Variants in CACNA1H observed in about 807,000 individuals in gnomAD.
The protein encoded by CACNA1H is voltage-dependent T-type calcium channel subunit alpha-1H.
A neutral mutation model predicts 192.5 loss-of-function variants in CACNA1H; 149 were observed. The ratio of observed to expected loss-of-function variants is 0.77; its 90% CI spans 0.68 to 0.89. The LOEUF (loss-of-function observed/expected upper bound fraction) is 0.89, where lower values mean the gene tolerates loss of function less well. Ranked by LOEUF, CACNA1H falls within the 40% of genes least tolerant of loss-of-function variation. CACNA1H has a pLI of 0.00. For synonymous variants in CACNA1H, 2,202 were observed against 1,475.2 expected (o/e 1.49, Z -11.29); for missense variants, 4,257 against 3,423.5 (o/e 1.24, Z -6.08).
rs202114960 is a variant in CACNA1H at position 1,208,193 on chromosome 16, A to T, written c.3335A>T (p.Asp1112Val). 5 of 1,541,778 alleles carry T rather than the reference A, an allele frequency of 3.2e-6. No individual in the cohort carries two copies. Among genetic ancestry groups the T allele is most frequent in the Non-Finnish European group, 4.4e-6 (5 of 1,147,212 alleles). The change falls in exon 16 of 35, where the codon GAC (aspartate) becomes GTC (valine). Residue 1112 changes from aspartate to valine, a missense_variant. Transcript: ENST00000348261. ...DSRRGSSSSG[D>V]PPLGDQKPPA... ...CGGCGTGGCAGCAGCAGCTCCGGGG[A>T]CCCGCCACTGGGAGACCAGAAGCCT... is the stretch of plus-strand genomic sequence containing the variant.
chr16:1,210,343 A>ACCTCTCCCCCCCCCCCCCCCCCC, intron 18 of CACNA1H, 27 bp from the exon 19 acceptor site: 1 of 233,804 alleles, frequency 4.3e-6, no homozygotes, highest in Non-Finnish European at 6.8e-6. Context: ...GCCCCGCCCC[A>ACCTCTCCCCCCCCCCCCCCCCCC]CCTCTCACCC....
Position 1,220,310 on chromosome 16 carries a change from C to T in CACNA1H, c.6378C>T (p.Ala2126=), listed in dbSNP as rs780808265. 2.2e-5 allele frequency: 35 copies of T among 1,560,240 alleles called. 1 individual carries two copies. The highest frequency in any genetic ancestry group is 4.2e-5 in the African/African-American group (3 of 71,258). ...ATGGCCCCGAAGCCTCTCCGGTGGC[C>T]GGCGGCGAGCGGGACCTGCGCAGGC... is the stretch of plus-strand genomic sequence containing the variant. The part of the protein sequence containing the change: ...EPHGPEASPV[A]GGERDLRRLY... The change falls in exon 35 of 35, where the codon GCC becomes GCT. Residue 2126 remains alanine, a synonymous_variant. Transcript: ENST00000348261.
chr16:1,214,825 G>T, intron 27 of CACNA1H, 147 bp from the exon 28 acceptor site: 2 of 629,444 alleles, frequency 3.2e-6, no homozygotes, highest in Non-Finnish European at 2.8e-6. Flanking sequence ...GGCCGAAGAG[G>T]CTCCCGGTGC....
At chr16:1,206,457 C>G (rs569996817) in intron 12 of CACNA1H, 168 bp downstream of exon 12, 1 of 646,438 alleles carries the variant, frequency 1.5e-6, no homozygotes, top group African/African-American at 1.8e-5. Flanking sequence ...CTGATTGGGC[C>G]CCTACTGTGT....
intron 2 of CACNA1H, among the ~76,000 whole-genome samples, chr16:1,171,851 C>T (rs185276800): frequency 2.6e-3 from 393 of 152,370 alleles, no homozygotes; most frequent in African/African-American, 8.4e-3. Context: ...GGCGTCTGTT[C>T]TGGGCTCTTC....
chr16:1,196,412 T>C (rs1596385665), intron 5 of CACNA1H, among the ~76,000 whole-genome samples: 1 of 152,114 alleles, frequency 6.6e-6, no homozygotes, highest in Non-Finnish European at 1.5e-5. Flanking sequence ...CTCTTGTGGG[T>C]GTGGCTCAGC....
At chr16:1,210,260 G>A (rs1177683236) in intron 18 of CACNA1H, 110 bp from the exon 19 acceptor site, 10 of 1,245,246 alleles carry the variant, frequency 8.0e-6, no homozygotes, top group East Asian at 2.5e-5. Context: ...TTCTCACACC[G>A]CAGGGACCGG....
Position 1,154,007 on chromosome 16 carries a change from C to T in CACNA1H, c.270C>T (p.Arg90=), listed in dbSNP as rs577235589. 7.1e-6 allele frequency: 10 copies of T among 1,404,966 alleles called. No individual in the cohort carries two copies. Among genetic ancestry groups the T allele is most frequent in the Admixed American group, 2.7e-5 (1 of 37,394 alleles). The allele number at this position is 1,404,966 out of a possible 1,614,324, so 87.0% of individuals were successfully genotyped here. A position where few individuals can be genotyped will look rare whatever the true frequency, so the allele number is the denominator to read the frequency against. ...GCCTCGGTCAGACCACGCGGCCGCG[C>T]AGCTGGTGCCTCCGGCTGGTCTGCA... ...FFCLGQTTRP[R]SWCLRLVCNP... The change falls in exon 2 of 35, where the codon CGC becomes CGT. Residue 90 remains arginine, a synonymous_variant. Coordinates refer to ENST00000348261, the MANE Select transcript of CACNA1H (RefSeq NM_021098.3).
Position 1,206,325 on chromosome 16 carries a change from T to C in CACNA1H, c.2789+36T>C, listed in dbSNP as rs183817349. Reference sequence around the variant, plus strand: ...CCCCCCTCCCGGCCCGCCCAGTGTCTCACCCCAGGGCAGCTGGGAGGCAAA... The same window carrying C: ...CCCCCCTCCCGGCCCGCCCAGTGTCCCACCCCAGGGCAGCTGGGAGGCAAA... On this transcript the variant is annotated intron_variant, in intron 12 of 34. Coordinates refer to ENST00000348261, the MANE Select transcript of CACNA1H (RefSeq NM_021098.3). The C allele has an allele frequency of 1.0e-5, 16 of 1,538,826 alleles. No individual in the cohort carries two copies. In the African/African-American group the frequency reaches 2.2e-4, roughly 21 times the overall value.
intron 2 of CACNA1H, among the ~76,000 whole-genome samples, chr16:1,183,043 C>T (rs1965628687): frequency 6.8e-6 from 1 of 146,718 alleles, no homozygotes; most frequent in East Asian, 2.0e-4. Flanking sequence ...GGGCCCCACC[C>T]ACCACCCCCG....
intron 12 of CACNA1H, 25 bp downstream of exon 12, chr16:1,206,314 C>T (rs375936129): frequency 7.8e-6 from 12 of 1,544,308 alleles, no homozygotes; most frequent in South Asian, 2.4e-5. Flanking sequence ...CCTCCCGGCC[C>T]GCCCAGTGTC....
rs767451045 is a variant in CACNA1H at position 1,210,148 on chromosome 16, G to C, written c.3845+13G>C. 1.9e-6 allele frequency: 3 copies of C among 1,547,982 alleles called. No homozygotes were observed. The highest frequency in any genetic ancestry group is 2.6e-6 in the Non-Finnish European group (3 of 1,144,790). ...CCCCACAGAACCGGTGAGGCGGCCGGGTCAGGAGGCTGCATGGCTAGTTCC... is the reference window on the plus strand; with the variant it reads ...CCCCACAGAACCGGTGAGGCGGCCGCGTCAGGAGGCTGCATGGCTAGTTCC... On this transcript the variant is annotated intron_variant, in intron 18 of 34. Transcript: ENST00000348261.
Position 1,187,083 on chromosome 16 carries a change from C to T in CACNA1H, c.300-7889C>T, listed in dbSNP as rs867719218. Among the ~76,000 whole-genome samples the T allele has an allele frequency of 5.2e-5, 8 of 152,390 alleles. No homozygotes were observed. The South Asian group carries it at 1.7e-3, about 32-fold the overall frequency. On this transcript the variant is annotated intron_variant, in intron 2 of 34. Coordinates refer to ENST00000348261, the MANE Select transcript of CACNA1H (RefSeq NM_021098.3). ...AGTCCCTCAGAGCCCGCGACCGTCCCCTCCGCACTGCGGGCTGATAGCGCC... is the reference window on the plus strand; with the variant it reads ...AGTCCCTCAGAGCCCGCGACCGTCCTCTCCGCACTGCGGGCTGATAGCGCC...
rs374626152 is a variant in CACNA1H at position 1,207,894 on chromosome 16, C to T, written c.3154+34C>T. 366 of 1,555,812 alleles carry T rather than the reference C, an allele frequency of 2.4e-4. No homozygotes were observed. In the South Asian group the frequency reaches 3.3e-3, roughly 14 times the overall value. On this transcript the variant is annotated intron_variant, in intron 15 of 34. Transcript: ENST00000348261. Reference sequence around the variant, plus strand: ...GGTCGGTGGGTGGTCCGGGTTCTGGCGGGTGGAGTACGCTGGGCTGGCCGG... The same window carrying T: ...GGTCGGTGGGTGGTCCGGGTTCTGGTGGGTGGAGTACGCTGGGCTGGCCGG...
Position 1,210,937 on chromosome 16 carries a change from G to A in CACNA1H, c.4189G>A (p.Val1397Met), listed in dbSNP as rs1186328765. Residue 1397 changes from valine to methionine, a missense_variant, in exon 21 of 35, where the codon GTG becomes ATG. Val to Met is a conservative substitution (Grantham distance 21). Transcript: ENST00000348261. Reference protein sequence around the residue: ...GGAKILGVLRVLRLLRTLRPL... With the variant: ...GGAKILGVLRMLRLLRTLRPL... The stretch of plus-strand genomic sequence containing the variant: ...CGCCAAGATCCTGGGTGTTCTGCGC[G>A]TGCTGCGTCTGCTGCGGACCCTGCG... 7 of 1,601,082 alleles carry A rather than the reference G, an allele frequency of 4.4e-6. No homozygotes were observed. Among genetic ancestry groups the A allele is most frequent in the East Asian group, 2.2e-5 (1 of 44,868 alleles).
At chr16:1,194,900 G>T in intron 2 of CACNA1H, 72 bp from the exon 3 acceptor site, 2 of 1,115,538 alleles carry the variant, frequency 1.8e-6, no homozygotes, top group Admixed American at 3.4e-5. Context: ...GGCTGACCGG[G>T]TGGGCATTTG....
intron 2 of CACNA1H, among the ~76,000 whole-genome samples, chr16:1,185,410 C>T (rs531345940): frequency 8.6e-5 from 13 of 152,032 alleles, no homozygotes; most frequent in South Asian, 2.1e-4. Flanking sequence ...GGAGCTTAGA[C>T]GTGCCCGGGT....
chr16:1,185,117 C>T lies in CACNA1H; in HGVS notation c.300-9855C>T, dbSNP rs182698037. On this transcript the variant is annotated intron_variant, in intron 2 of 34. Coordinates refer to ENST00000348261, the MANE Select transcript of CACNA1H (RefSeq NM_021098.3). ...CGGGACTTTCCGTGTGACATGTGGTCCTTCTGTGCCCAGTTCTTCCCAGCA... is the reference window on the plus strand; with the variant it reads ...CGGGACTTTCCGTGTGACATGTGGTTCTTCTGTGCCCAGTTCTTCCCAGCA... Among the ~76,000 whole-genome samples, 511 of 152,358 alleles carry T rather than the reference C, an allele frequency of 3.4e-3. 4 individuals are homozygous for T. The highest frequency in any genetic ancestry group is 0.014 in the South Asian group (69 of 4,826).
In CACNA1H at chr16:1,180,207, G is replaced by A. The variant is rs1463049856; in HGVS notation, c.300-14765G>A. On this transcript the variant is annotated intron_variant, in intron 2 of 34. Transcript: ENST00000348261. The surrounding 1 kb of genome is among the most constrained non-coding windows in gnomAD (Gnocchi z 4.4). The stretch of plus-strand genomic sequence containing the variant: ...CCGGCTCCTGGGTGCACAGGCAGGT[G>A]GTGTGCGTCCGCATTGCAGAACACG... Among the ~76,000 whole-genome samples the A allele has an allele frequency of 3.3e-5, 5 of 152,224 alleles. No individual in the cohort carries two copies. The highest frequency in any genetic ancestry group is 1.2e-4 in the African/African-American group (5 of 41,440).
Sources: gnomAD v4.1 joint callset for allele counts (sites outside exome capture counted in the v4.1 genomes callset) on GRCh38, gnomAD v4.1.1 for gene constraint, Gnocchi (gnomAD v3.1) non-coding constraint, MANE v1.5 for transcripts, NCBI Gene and HGNC (gene_info 2026-07-23, HGNC 2026-07-21) for gene names.